ZMYND8: variants seen among roughly 807,000 people sequenced by gnomAD.
ZMYND8 encodes MYND-type zinc finger-containing chromatin reader ZMYND8.
A neutral mutation model predicts 140.8 loss-of-function variants in ZMYND8; 37 were observed. The ratio of observed to expected loss-of-function variants is 0.26; its 90% CI spans 0.20 to 0.35. The LOEUF is 0.35. Ranked by LOEUF, ZMYND8 falls within the 10% of genes least tolerant of loss-of-function variation. The pLI, the probability that ZMYND8 is intolerant of heterozygous loss-of-function variation, is 1.00. For missense variants in ZMYND8, 1,068 were observed against 1,570.0 expected, an observed-to-expected ratio of 0.68 and a Z score of 5.40; for synonymous variants, 592 against 597.1, an observed-to-expected ratio of 0.99 and a Z score of 0.12.
intron 5 of ZMYND8, among the ~76,000 whole-genome samples, chr20:47,292,727 AGGTAGGG>A (rs1391387169): frequency 3.3e-5 from 5 of 152,022 alleles, no homozygotes; most frequent in Non-Finnish European, 7.4e-5. Flanking sequence ...TGTGCAAATC[AGGTAGGG>A]GGCATCATGT....
chr20:47,211,973 C>T (rs527805409), intron 22 of ZMYND8, among the ~76,000 whole-genome samples: 1 of 152,292 alleles, frequency 6.6e-6, no homozygotes, highest in East Asian at 1.9e-4. Flanking sequence ...TAGTCATGTG[C>T]ATCAGTGACC....
At chr20:47,263,051 C>T (rs1373300509) in intron 11 of ZMYND8, among the ~76,000 whole-genome samples, 1 of 152,198 alleles carries the variant, frequency 6.6e-6, no homozygotes, top group Non-Finnish European at 1.5e-5. Context: ...ATGCCTAAGG[C>T]TTTTAAAAAT....
intron 10 of ZMYND8, among the ~76,000 whole-genome samples, chr20:47,277,173 T>C (rs2076306277): frequency 6.6e-6 from 1 of 152,212 alleles, no homozygotes; most frequent in Non-Finnish European, 1.5e-5. Flanking sequence ...AAAGCTTCCT[T>C]TTCCCATTGC....
Position 47,249,400 on chromosome 20 carries a change from T to C in ZMYND8, c.1661A>G (p.Glu554Gly). Residue 554 changes from glutamate to glycine, a missense_variant, in exon 13 of 23, where the codon GAG becomes GGG. Glu to Gly is a moderately conservative substitution (Grantham distance 98, BLOSUM62 -2). Around this residue, in one of 10 missense-constraint regions of ZMYND8, gnomAD observed 173 missense variants for 223.3 expected, o/e 0.77. Transcript: ENST00000471951. ...AGGGGTGGACTGTTGCTGGACCGAC[T>C]CGCTCAGCTCCTTCAAATCCATCTC... ...KAEMDLKELS[E>G]SVQQQSTPVP... 6.2e-7 allele frequency: 1 copy of C among 1,614,180 alleles called. No homozygotes were observed. The highest frequency in any genetic ancestry group is 8.5e-7 in the Non-Finnish European group (1 of 1,180,022).
In ZMYND8 at chr20:47,283,574, A is replaced by G. The variant is rs144475763; in HGVS notation, c.879T>C (p.Pro293=). ...AAGCAAAGTAAATCCAACTTACACA[A>G]GGCTCACAAAACCAGTTATCTCGTT... ...CQKRDNWFCE[P]CSNPHPLVWA... Residue 293 remains proline, a synonymous_variant, in exon 9 of 23, where the codon CCT becomes CCC. Transcript: ENST00000471951. 1.2e-4 allele frequency: 197 copies of G among 1,614,134 alleles called. No homozygotes were observed. Among genetic ancestry groups the G allele is most frequent in the Admixed American group, 5.0e-4 (30 of 60,034 alleles).
At chr20:47,309,767 G>GAAA (rs771877520) in intron 3 of ZMYND8, among the ~76,000 whole-genome samples, 5 of 139,452 alleles carry the variant, frequency 3.6e-5, no homozygotes, top group African/African-American at 1.3e-4. Flanking sequence ...CTAAAAGCAT[G>GAAA]AAAAAAAAAA....
intron 2 of ZMYND8, among the ~76,000 whole-genome samples, chr20:47,338,737 C>G (rs979186954): frequency 6.6e-6 from 1 of 152,128 alleles, no homozygotes; most frequent in African/African-American, 2.4e-5. Flanking sequence ...GGGGAAAGTT[C>G]TCCCTCAAAA....
At chr20:47,351,853 C>T (rs2082809366) in intron 1 of ZMYND8, 21 of 985,344 alleles carry the variant, frequency 2.1e-5, no homozygotes, top group Non-Finnish European at 2.5e-5. Context: ...AGCAGCCCTG[C>T]GAGTTTCAAA....
intron 10 of ZMYND8, among the ~76,000 whole-genome samples, chr20:47,278,855 G>A (rs2076420265): frequency 6.6e-6 from 1 of 152,004 alleles, no homozygotes; most frequent in African/African-American, 2.4e-5. Context: ...CACAGATCAG[G>A]ACTACTAGAC....
intron 3 of ZMYND8, among the ~76,000 whole-genome samples, chr20:47,302,316 A>C (rs565633449): frequency 1.3e-5 from 2 of 152,116 alleles, no homozygotes. Context: ...CTCTACAAAA[A>C]ATATAAAAAT....
chr20:47,281,448 G>C (rs992710498), intron 10 of ZMYND8, among the ~76,000 whole-genome samples: 7 of 152,190 alleles, frequency 4.6e-5, no homozygotes, highest in African/African-American at 1.7e-4. Context: ...CTTGATAAAA[G>C]AGAACTAAGA....
chr20:47,292,999 G>A (rs923772836), intron 5 of ZMYND8, among the ~76,000 whole-genome samples: 1 of 150,728 alleles, frequency 6.6e-6, no homozygotes, highest in African/African-American at 2.4e-5. Context: ...GGAGGTTGAT[G>A]CTGCAGTAAG....
chr20:47,221,527 T>C lies in ZMYND8; in HGVS notation c.3257-53A>G, dbSNP rs556139123. On this transcript the variant is annotated intron_variant, in intron 19 of 22. Transcript: ENST00000471951. ...CACATATACACAGAGTACGATGATT[T>C]TGAAACATGCATGGAGCCCCGCCCT... 1.9e-3 allele frequency: 2,946 copies of C among 1,583,382 alleles called. 64 individuals are homozygous for C. The South Asian group carries it at 0.031, about 16-fold the overall frequency.
At chr20:47,232,989 G>A (rs913447428) in intron 16 of ZMYND8, among the ~76,000 whole-genome samples, 16 of 145,658 alleles carry the variant, frequency 1.1e-4, no homozygotes, top group African/African-American at 3.1e-4. Flanking sequence ...TCACTGCAAC[G>A]TCCATCCCCT....
intron 12 of ZMYND8, among the ~76,000 whole-genome samples, chr20:47,251,012 A>ATCACGCCACT (rs2074123775): frequency 1.3e-5 from 2 of 148,906 alleles, no homozygotes; most frequent in African/African-American, 5.1e-5. Context: ...TGGGAGACAG[A>ATCACGCCACT]GCAAGACTTT....
intron 2 of ZMYND8, among the ~76,000 whole-genome samples, chr20:47,323,927 G>A (rs887000112): frequency 5.3e-5 from 8 of 152,122 alleles, no homozygotes; most frequent in South Asian, 2.1e-4. Context: ...CTGGCCGGGC[G>A]TGGTGGCTCA....
chr20:47,339,986 A>G (rs925372800), intron 2 of ZMYND8, among the ~76,000 whole-genome samples: 3 of 151,980 alleles, frequency 2.0e-5, no homozygotes, highest in Admixed American at 1.3e-4. Context: ...TCTGTCACCC[A>G]GGCTGGAGTG....
At chr20:47,240,120 G>A (rs1422998911) in intron 14 of ZMYND8, among the ~76,000 whole-genome samples, 1 of 152,082 alleles carries the variant, frequency 6.6e-6, no homozygotes, top group Admixed American at 6.5e-5. Flanking sequence ...ACTGAGGCAG[G>A]AGAATTCCTT....
At chr20:47,238,350 T>C (rs2039503442) in intron 15 of ZMYND8, 1 of 182,800 alleles carries the variant, frequency 5.5e-6, no homozygotes, top group South Asian at 1.1e-4. Flanking sequence ...ATCATATACA[T>C]GATGCGCACA....
Sources: gnomAD v4.1 joint callset for allele counts (sites outside exome capture counted in the v4.1 genomes callset) on GRCh38, gnomAD v4.1.1 for gene constraint, gnomAD v4.1.1 regional missense constraint, MANE v1.5 for transcripts, NCBI Gene and HGNC (gene_info 2026-07-23, HGNC 2026-07-21) for gene names.